Variants in MICU2 observed in about 807,000 individuals in gnomAD.
The protein encoded by MICU2 is mitochondrial calcium uptake 2.
Under a neutral mutation model 60.4 loss-of-function variants are expected in MICU2, and 64 were observed. The ratio of observed to expected loss-of-function variants is 1.06; its 90% CI spans 0.87 to 1.31. The LOEUF is 1.31. Among genes scored for constraint, MICU2 ranks in the 50% most tolerant of loss-of-function variants. The probability of loss-of-function intolerance (pLI) is 0.00; values close to 1 mark genes in which losing one functional copy is unlikely to be tolerated. For synonymous variants in MICU2, 201 were observed against 175.0 expected, an observed-to-expected ratio of 1.15 and a Z score of -1.17; for missense variants, 569 against 531.0, an observed-to-expected ratio of 1.07 and a Z score of -0.70.
intron 1 of MICU2, among the ~76,000 whole-genome samples, chr13:21,597,469 GA>G (rs1453206866): frequency 1.3e-5 from 2 of 152,120 alleles, no homozygotes; most frequent in African/African-American, 4.8e-5. Context: ...CGAAGTTAGA[GA>G]AGGTCACTTT....
At chr13:21,534,183 T>C (rs2138185809) in intron 4 of MICU2, among the ~76,000 whole-genome samples, 1 of 151,376 alleles carries the variant, frequency 6.6e-6, no homozygotes, top group Non-Finnish European at 1.5e-5. Context: ...TAATCCTTTT[T>C]AAATTTTTAA....
intron 9 of MICU2, among the ~76,000 whole-genome samples, chr13:21,497,987 T>G (rs2138129691): frequency 6.6e-6 from 1 of 152,292 alleles, no homozygotes; most frequent in East Asian, 1.9e-4. Context: ...ACTCCTGGGC[T>G]CAAGTGATCC....
chr13:21,495,182 G>A lies in MICU2; in HGVS notation c.1179C>T (p.Asn393=), dbSNP rs754286543. The part of the protein sequence containing the change: ...SHEEFLGVLK[N]RMHRGLWVPQ... ...TTACCCATAAACCTCGATGCATTCT[G>A]TTTTTTAACACCCCAAGAAACTCTT... The change falls in exon 11 of 12, where the codon AAC becomes AAT. Residue 393 remains asparagine, a synonymous_variant. Transcript: ENST00000382374. The A allele has an allele frequency of 2.5e-6, 4 of 1,607,390 alleles. No homozygotes were observed. In the African/African-American group the frequency reaches 4.0e-5, roughly 16 times the overall value.
intron 2 of MICU2, among the ~76,000 whole-genome samples, chr13:21,545,299 G>A (rs910537810): frequency 3.3e-5 from 5 of 152,188 alleles, no homozygotes; most frequent in African/African-American, 1.2e-4. Context: ...CAACATGGAT[G>A]GAACTGGAGG....
At chr13:21,560,163 T>C (rs182182045) in intron 2 of MICU2, among the ~76,000 whole-genome samples, 42 of 152,312 alleles carry the variant, frequency 2.8e-4, no homozygotes, top group East Asian at 1.9e-3. Flanking sequence ...TTTTGATCAA[T>C]AGAAGTTCTA....
intron 2 of MICU2, among the ~76,000 whole-genome samples, chr13:21,553,467 T>C (rs989859018): frequency 3.3e-5 from 5 of 152,084 alleles, no homozygotes; most frequent in Non-Finnish European, 5.9e-5. Flanking sequence ...TGCAACACTA[T>C]GTTGAATAGG....
intron 2 of MICU2, among the ~76,000 whole-genome samples, chr13:21,555,334 G>A (rs1166202834): frequency 6.6e-6 from 1 of 152,124 alleles, no homozygotes; most frequent in Non-Finnish European, 1.5e-5. Context: ...GATCAAGTGG[G>A]CTTCATCCCT....
At position 21,521,369 on chromosome 13, in the gene MICU2, AC is replaced by A; in HGVS notation, c.515-43del. The A allele has an allele frequency of 2.6e-6, 4 of 1,542,698 alleles. No homozygotes were observed. In the South Asian group the frequency reaches 3.6e-5, roughly 14 times the overall value. On this transcript the variant is annotated intron_variant, in intron 5 of 11. Transcript: ENST00000382374. ...AATGAATATTTAAATGTTGATGAAA[AC>A]CAAGTTATTTGTAGATAGATAGGTC... is the stretch of plus-strand genomic sequence containing the variant.
chr13:21,528,695 C>T (rs1313531671), intron 4 of MICU2, among the ~76,000 whole-genome samples: 1 of 152,174 alleles, frequency 6.6e-6, no homozygotes, highest in African/African-American at 2.4e-5. Context: ...AGGGCCTTTT[C>T]CCTCAAGGAA....
chr13:21,495,847 T>C (rs976518481), intron 10 of MICU2: 3 of 446,932 alleles, frequency 6.7e-6, no homozygotes, highest in Non-Finnish European at 7.9e-6. Context: ...TTCCTTCTTT[T>C]TAGGAGAATG....
chr13:21,500,640 A>G (rs1179073700), intron 9 of MICU2, among the ~76,000 whole-genome samples: 15 of 151,874 alleles, frequency 9.9e-5, no homozygotes, highest in Admixed American at 9.8e-4. Context: ...GCTAGTCTCG[A>G]ACTCCTGACC....
chr13:21,558,289 G>A (rs1224762643), intron 2 of MICU2, among the ~76,000 whole-genome samples: 1 of 152,100 alleles, frequency 6.6e-6, no homozygotes, highest in Non-Finnish European at 1.5e-5. Context: ...TCTAGTTTCC[G>A]TTTTCTTGAC....
chr13:21,516,058 C>T (rs2138156907), intron 6 of MICU2, among the ~76,000 whole-genome samples: 1 of 152,222 alleles, frequency 6.6e-6, no homozygotes, highest in South Asian at 2.1e-4. Context: ...TCAATAATTA[C>T]CAGTATTCTG....
intron 1 of MICU2, among the ~76,000 whole-genome samples, chr13:21,586,756 T>G (rs1382159635): frequency 1.3e-5 from 2 of 152,206 alleles, no homozygotes; most frequent in Admixed American, 6.5e-5. Flanking sequence ...AAGCTTATGT[T>G]TATTACTCTC....
intron 9 of MICU2, 137 bp from the exon 10 acceptor site, chr13:21,496,297 CTT>C: frequency 1.5e-6 from 1 of 655,134 alleles, no homozygotes; most frequent in Non-Finnish European, 2.6e-6. Context: ...TTCTCTGTCC[CTT>C]TCTCTCTGTG....
At chr13:21,525,316 C>T (rs537539402) in intron 4 of MICU2, among the ~76,000 whole-genome samples, 8 of 150,952 alleles carry the variant, frequency 5.3e-5, no homozygotes, top group African/African-American at 2.0e-4. Context: ...CCTCAGCCTC[C>T]TGAGTAGCTG....
At chr13:21,533,487 C>A (rs1887056312) in intron 4 of MICU2, among the ~76,000 whole-genome samples, 1 of 151,298 alleles carries the variant, frequency 6.6e-6, no homozygotes, top group South Asian at 2.1e-4. Context: ...CTGCGCCCGG[C>A]TGATTTTTTG....
chr13:21,602,249 G>T (rs558307175), intron 1 of MICU2, among the ~76,000 whole-genome samples: 17 of 151,990 alleles, frequency 1.1e-4, no homozygotes, highest in Middle Eastern at 3.4e-3. Flanking sequence ...TCGGCCGGGC[G>T]CAGTGGCTCA....
chr13:21,538,177 C>T (rs1254758697), intron 4 of MICU2, among the ~76,000 whole-genome samples: 2 of 152,070 alleles, frequency 1.3e-5, no homozygotes, highest in Non-Finnish European at 2.9e-5. Flanking sequence ...GCCCTCACGT[C>T]TCAGTGCTCT....
Sources: gnomAD v4.1 joint callset for allele counts (sites outside exome capture counted in the v4.1 genomes callset) on GRCh38, gnomAD v4.1.1 for gene constraint, MANE v1.5 for transcripts, NCBI Gene and HGNC (gene_info 2026-07-23, HGNC 2026-07-21) for gene names.